EPN2: variants seen among roughly 807,000 people sequenced by gnomAD.
EPN2 encodes the protein epsin 2.
Under a neutral mutation model 61.7 loss-of-function variants are expected in EPN2, and 34 were observed. The ratio of observed to expected loss-of-function variants is 0.55; its 90% CI spans 0.42 to 0.73. EPN2 has a LOEUF of 0.73. EPN2 is among the 30% of genes least tolerant of loss of function. The probability of loss-of-function intolerance (pLI) is 0.00; values close to 1 mark genes in which losing one functional copy is unlikely to be tolerated. For synonymous variants in EPN2, 349 were observed against 353.6 expected, an observed-to-expected ratio of 0.99 and a Z score of 0.15; for missense variants, 714 against 839.2, an observed-to-expected ratio of 0.85 and a Z score of 1.84.
chr17:19,250,862 A>C (rs1597970415), intron 1 of EPN2, among the ~76,000 whole-genome samples: 2 of 133,730 alleles, frequency 1.5e-5, no homozygotes, highest in Non-Finnish European at 1.6e-5. Context: ...CCCCTCACTT[A>C]CTGCCTCTAT....
chr17:19,322,029 G>A (rs1215974759), intron 7 of EPN2, among the ~76,000 whole-genome samples: 1 of 152,198 alleles, frequency 6.6e-6, no homozygotes, highest in Non-Finnish European at 1.5e-5. Flanking sequence ...GCAGATTTTT[G>A]TTTACTGATA....
chr17:19,319,684 G>T (rs189608003), intron 7 of EPN2, among the ~76,000 whole-genome samples: 1 of 148,970 alleles, frequency 6.7e-6, no homozygotes, highest in African/African-American at 2.5e-5. Context: ...GTTTCCCTCT[G>T]TTGCCCAGGC....
intron 7 of EPN2, among the ~76,000 whole-genome samples, chr17:19,319,504 T>G (rs1465335819): frequency 4.6e-5 from 7 of 151,828 alleles, no homozygotes; most frequent in Non-Finnish European, 8.8e-5. Flanking sequence ...CTAATTTTTT[T>G]GTATTTTTAG....
At chr17:19,240,952 C>A (rs569548273) in intron 1 of EPN2, among the ~76,000 whole-genome samples, 3 of 152,298 alleles carry the variant, frequency 2.0e-5, no homozygotes, top group African/African-American at 7.2e-5. Flanking sequence ...TTGCTGAAAT[C>A]ACTACTGTTG....
intron 1 of EPN2, among the ~76,000 whole-genome samples, chr17:19,259,866 CT>C (rs2045122244): frequency 6.6e-6 from 1 of 152,200 alleles, no homozygotes; most frequent in Admixed American, 6.5e-5. Context: ...TTCTGCCTTA[CT>C]GCTTTGGCCT....
In EPN2 at chr17:19,317,639, G is replaced by A. The variant is rs960715394; in HGVS notation, c.1147+4360G>A. Among the ~76,000 whole-genome samples, 7 of 152,336 alleles carry A rather than the reference G, an allele frequency of 4.6e-5. No homozygotes were observed. The South Asian group carries it at 6.2e-4, about 14-fold the overall frequency. ...AATGGGCCCCACAGAGGAAGAGGCCGGAAACTGCTTGATCTTTCAAACCTT... is the reference window on the plus strand; with the variant it reads ...AATGGGCCCCACAGAGGAAGAGGCCAGAAACTGCTTGATCTTTCAAACCTT... On this transcript the variant is annotated intron_variant, in intron 7 of 10. Transcript: ENST00000314728.
chr17:19,242,625 C>G (rs1597964682), intron 1 of EPN2, among the ~76,000 whole-genome samples: 2 of 152,302 alleles, frequency 1.3e-5, no homozygotes, highest in Admixed American at 1.3e-4. Flanking sequence ...GTGTGCTTCA[C>G]TTTCAAGCCC....
chr17:19,298,501 C>T (rs1905307316), intron 4 of EPN2, among the ~76,000 whole-genome samples: 1 of 152,190 alleles, frequency 6.6e-6, no homozygotes, highest in Non-Finnish European at 1.5e-5. Flanking sequence ...CGGCACCCGG[C>T]CTATTTATGT....
chr17:19,259,606 C>T (rs2045118857), intron 1 of EPN2, among the ~76,000 whole-genome samples: 1 of 152,142 alleles, frequency 6.6e-6, no homozygotes, highest in Non-Finnish European at 1.5e-5. Flanking sequence ...GCCACAGCGC[C>T]CGGCTGAGTA....
At chr17:19,319,820 G>A (rs538229159) in intron 7 of EPN2, among the ~76,000 whole-genome samples, 1 of 152,200 alleles carries the variant, frequency 6.6e-6, no homozygotes, top group South Asian at 2.1e-4. Context: ...GCTAATTTTT[G>A]TATTTTTATT....
intron 7 of EPN2, among the ~76,000 whole-genome samples, chr17:19,319,342 T>G (rs1416772266): frequency 6.6e-6 from 1 of 151,960 alleles, no homozygotes; most frequent in Non-Finnish European, 1.5e-5. Context: ...ATTTTTTTTT[T>G]GAGATGGAGT....
rs1305520965 is a variant in EPN2 at position 19,264,725 on chromosome 17, A to G, written c.-293-17230A>G. ...AGAGCTTGGAGGAAGGGAGAGAGAA[A>G]GGGGGGAGTGTGTGAGCAGGTGGGG... On this transcript the variant is annotated intron_variant, in intron 1 of 10. Transcript: ENST00000314728. Among the ~76,000 whole-genome samples, 12 of 152,106 alleles carry G rather than the reference A, an allele frequency of 7.9e-5. No individual in the cohort carries two copies. In the East Asian group the frequency reaches 1.9e-3, roughly 24 times the overall value.
chr17:19,330,483 C>G (rs1907109395), intron 9 of EPN2: 1 of 152,322 alleles, frequency 6.6e-6, no homozygotes, highest in South Asian at 2.1e-4. Flanking sequence ...TGCTCGACCC[C>G]CTTGACCTCC....
Position 19,334,133 on chromosome 17 carries a change from TG to T in EPN2, c.1810del (p.Ala604ProfsTer6). On this transcript the variant is annotated frameshift_variant, in exon 11 of 11. Coordinates refer to ENST00000314728, the MANE Select transcript of EPN2 (RefSeq NM_014964.5). LOFTEE classifies it high-confidence loss of function. This position sits in a 1 kb window ranked among gnomAD's most constrained non-coding sequence, Gnocchi z 4.9. ...SMTSAAPQPA[L>X]GATGSSLTPL... ...ACCTCCGCGGCCCCACAGCCAGCTC[TG>T]GGGGCCACTGGTTCCTCTCTGACAC... 1.2e-6 allele frequency: 2 copies of T among 1,605,724 alleles called. No homozygotes were observed. Among genetic ancestry groups the T allele is most frequent in the Non-Finnish European group, 1.7e-6 (2 of 1,175,894 alleles).
intron 1 of EPN2, among the ~76,000 whole-genome samples, chr17:19,239,889 C>G (rs183082269): frequency 2.1e-4 from 32 of 152,284 alleles, no homozygotes; most frequent in Admixed American, 1.9e-3. Flanking sequence ...TAGAAATTCT[C>G]TGTTATCACT....
At chr17:19,238,209 C>T (rs1206744227) in intron 1 of EPN2, among the ~76,000 whole-genome samples, 3 of 152,224 alleles carry the variant, frequency 2.0e-5, no homozygotes, top group Non-Finnish European at 4.4e-5. Context: ...CAGAGACCCA[C>T]CCGGCCCGGC....
intron 5 of EPN2, among the ~76,000 whole-genome samples, chr17:19,311,753 A>G (rs562069405): frequency 6.6e-6 from 1 of 152,314 alleles, no homozygotes; most frequent in Admixed American, 6.5e-5. Flanking sequence ...AGCCAGTTTC[A>G]TTTTGAGAAA....
At chr17:19,300,915 A>G (rs1905473239) in intron 4 of EPN2, among the ~76,000 whole-genome samples, 1 of 152,144 alleles carries the variant, frequency 6.6e-6, no homozygotes, top group Non-Finnish European at 1.5e-5. Flanking sequence ...TGGAGCTCCC[A>G]GTCTGATGAG....
In EPN2 at chr17:19,312,132, A is replaced by T; in HGVS notation, c.960A>T (p.Pro320=). The T allele has an allele frequency of 6.2e-7, 1 of 1,612,974 alleles. No homozygotes were observed. The highest frequency in any genetic ancestry group is 8.5e-7 in the Non-Finnish European group (1 of 1,178,976). Residue 320 remains proline (P), a synonymous_variant, in exon 6 of 11, where the codon CCA becomes CCT. Transcript: ENST00000314728. Reference sequence around the variant, plus strand: ...GCCGAAGGGACACAGTTAAAATTCCAAAAAAGAAAGAGGTAAGAGCTTGCT... The same window carrying T: ...GCCGAAGGGACACAGTTAAAATTCCTAAAAAGAAAGAGGTAAGAGCTTGCT... ...EESRRDTVKI[P]KKKEHGSLPQ... is the part of the protein sequence containing the mutation.
Sources: gnomAD v4.1 joint callset for allele counts (sites outside exome capture counted in the v4.1 genomes callset) on GRCh38, gnomAD v4.1.1 for gene constraint, Gnocchi (gnomAD v3.1) non-coding constraint, MANE v1.5 for transcripts, NCBI Gene and HGNC (gene_info 2026-07-23, HGNC 2026-07-21) for gene names.